Variants in SPAG16 observed in about 807,000 individuals in gnomAD.
The protein encoded by SPAG16 is sperm-associated antigen 16 protein.
SPAG16 carries 86 observed loss-of-function variants against 80.4 expected under a neutral mutation model. The observed-to-expected ratio is 1.07, with a 90% CI of 0.90 to 1.28. The LOEUF (loss-of-function observed/expected upper bound fraction) is 1.28. SPAG16 is among the 50% of genes most tolerant of loss of function. SPAG16 has a pLI of 0.00. For synonymous variants in SPAG16, 294 were observed against 265.9 expected (o/e 1.11, Z -1.03); for missense variants, 870 against 765.3 (o/e 1.14, Z -1.61).
At chr2:214,063,311 A>G (rs2050374639) in intron 13 of SPAG16, among the ~76,000 whole-genome samples, 1 of 152,164 alleles carries the variant, frequency 6.6e-6, no homozygotes, top group African/African-American at 2.4e-5. Flanking sequence ...CTGAAATGCC[A>G]TAATACCACA....
At chr2:213,605,366 A>G (rs964002838) in intron 10 of SPAG16, among the ~76,000 whole-genome samples, 1 of 151,094 alleles carries the variant, frequency 6.6e-6, no homozygotes, top group Non-Finnish European at 1.5e-5. Flanking sequence ...TTCTGGGTTC[A>G]CACCATTCTC....
At chr2:213,611,771 A>C (rs1480131090) in intron 10 of SPAG16, among the ~76,000 whole-genome samples, 1 of 152,164 alleles carries the variant, frequency 6.6e-6, no homozygotes, top group African/African-American at 2.4e-5. Flanking sequence ...TAAATGAGAA[A>C]CACTAGGTTT....
intron 13 of SPAG16, among the ~76,000 whole-genome samples, chr2:214,026,772 A>G (rs1401955502): frequency 6.6e-6 from 1 of 151,532 alleles, no homozygotes; most frequent in Non-Finnish European, 1.5e-5. Flanking sequence ...CTGAAGAAAG[A>G]TTGATAACCC....
chr2:213,722,628 T>G (rs1225834933), intron 10 of SPAG16, among the ~76,000 whole-genome samples: 1 of 152,126 alleles, frequency 6.6e-6, no homozygotes, highest in Non-Finnish European at 1.5e-5. Context: ...AAGAAGGAAT[T>G]TCACATGAGA....
At chr2:213,639,419 T>G (rs1228320226) in intron 10 of SPAG16, among the ~76,000 whole-genome samples, 2 of 152,216 alleles carry the variant, frequency 1.3e-5, no homozygotes, top group African/African-American at 4.8e-5. Flanking sequence ...CTTTTAGCAG[T>G]TCTTGTAGTG....
intron 3 of SPAG16, among the ~76,000 whole-genome samples, chr2:213,308,094 T>A (rs1180780849): frequency 6.6e-6 from 1 of 152,166 alleles, no homozygotes; most frequent in Non-Finnish European, 1.5e-5. Context: ...AGAGACTTCT[T>A]GCCAATGCGA....
At chr2:213,976,411 A>G (rs1240160839) in intron 12 of SPAG16, among the ~76,000 whole-genome samples, 1 of 151,766 alleles carries the variant, frequency 6.6e-6, no homozygotes, top group African/African-American at 2.4e-5. Flanking sequence ...CCAGTCCTTA[A>G]CTAACAGGTC....
intron 12 of SPAG16, among the ~76,000 whole-genome samples, chr2:213,970,509 C>T (rs1163777606): frequency 6.6e-6 from 1 of 151,992 alleles, no homozygotes; most frequent in Non-Finnish European, 1.5e-5. Context: ...ACCATGTTGC[C>T]CAGGCTGGCC....
At chr2:214,051,799 G>A (rs2049658288) in intron 13 of SPAG16, among the ~76,000 whole-genome samples, 1 of 152,154 alleles carries the variant, frequency 6.6e-6, no homozygotes, top group African/African-American at 2.4e-5. Context: ...CAGCCTTAAT[G>A]GTTGATCTGC....
chr2:213,284,974 C>G (rs1180654726), intron 1 of SPAG16, among the ~76,000 whole-genome samples: 1 of 152,134 alleles, frequency 6.6e-6, no homozygotes, highest in Admixed American at 6.5e-5. Flanking sequence ...CCTAAATAAG[C>G]CCTCAATCTT....
chr2:213,437,159 A>G (rs2070695359), intron 9 of SPAG16, among the ~76,000 whole-genome samples: 1 of 152,164 alleles, frequency 6.6e-6, no homozygotes, highest in Non-Finnish European at 1.5e-5. Flanking sequence ...TCAGCCTTCC[A>G]AAGTGCTGGC....
chr2:214,283,294 C>T (rs1184788565), intron 15 of SPAG16, among the ~76,000 whole-genome samples: 1 of 151,980 alleles, frequency 6.6e-6, no homozygotes, highest in Admixed American at 6.6e-5. Flanking sequence ...TTGGTCTCTT[C>T]TTGTTGATTT....
chr2:214,239,443 A>T (rs541358707), intron 15 of SPAG16: 1 of 152,146 alleles, frequency 6.6e-6, no homozygotes, highest in East Asian at 1.9e-4. Flanking sequence ...ATAAATCCTC[A>T]TTTTCAAAAT....
intron 10 of SPAG16, among the ~76,000 whole-genome samples, chr2:213,669,352 G>A (rs527518176): frequency 1.3e-5 from 2 of 152,200 alleles, no homozygotes; most frequent in East Asian, 1.9e-4. Flanking sequence ...ATGAGATACT[G>A]TTTTTTTGGC....
At chr2:213,816,086 C>T (rs964114433) in intron 10 of SPAG16, among the ~76,000 whole-genome samples, 2 of 152,110 alleles carry the variant, frequency 1.3e-5, no homozygotes, top group Non-Finnish European at 2.9e-5. Flanking sequence ...TCCTGGAATC[C>T]TTATTTTGCC....
intron 10 of SPAG16, among the ~76,000 whole-genome samples, chr2:213,822,828 T>G (rs1193906861): frequency 6.6e-6 from 1 of 152,160 alleles, no homozygotes; most frequent in Admixed American, 6.5e-5. Flanking sequence ...TATGCAGTGT[T>G]TCGTTTTCTG....
intron 10 of SPAG16, among the ~76,000 whole-genome samples, chr2:213,773,797 C>A (rs545338576): frequency 1.8e-4 from 27 of 152,248 alleles, no homozygotes; most frequent in Non-Finnish European, 2.9e-4. Context: ...TGTGATCCAC[C>A]CGCCTCAGCC....
chr2:214,158,974 T>C (rs1300655413), intron 15 of SPAG16, among the ~76,000 whole-genome samples: 1 of 152,008 alleles, frequency 6.6e-6, no homozygotes, highest in Non-Finnish European at 1.5e-5. Context: ...TGCCAAATTA[T>C]TTTTCAACAC....
intron 10 of SPAG16, among the ~76,000 whole-genome samples, chr2:213,562,832 A>G (rs770385530): frequency 1.3e-5 from 2 of 152,162 alleles, no homozygotes; most frequent in Non-Finnish European, 2.9e-5. Context: ...GGCCGATTTC[A>G]TATTTATAGA....
Sources: gnomAD v4.1 joint callset for allele counts (sites outside exome capture counted in the v4.1 genomes callset) on GRCh38, gnomAD v4.1.1 for gene constraint, MANE v1.5 for transcripts, NCBI Gene and HGNC (gene_info 2026-07-23, HGNC 2026-07-21) for gene names.